Variants in ZNF469 observed in about 807,000 individuals in gnomAD.
ZNF469 encodes zinc finger protein 469.
A neutral mutation model predicts 1.0 loss-of-function variants in ZNF469; 1 was observed. The ratio of observed to expected loss-of-function variants is 1.00; its 90% confidence interval spans 0.35 to 4.73. The LOEUF (loss-of-function observed/expected upper bound fraction) is 4.73. ZNF469 is among the 30% of genes most tolerant of loss of function. ZNF469 has a pLI of 0.16. For missense variants in ZNF469, 6,100 were observed against 5,356.3 expected (o/e 1.14, Z -4.33); for synonymous variants, 2,703 against 2,363.4 (o/e 1.14, Z -4.17).
chr16:88,115,141 C>T, the ZNF469 span, among the ~76,000 whole-genome samples: 1 of 152,160 alleles, frequency 6.6e-6, no homozygotes, highest in Admixed American at 6.5e-5. Flanking sequence ...GGGCTCTGCG[C>T]ATTCAGGGTG....
At chr16:88,218,169 G>T in the ZNF469 span, among the ~76,000 whole-genome samples, 1 of 146,604 alleles carries the variant, frequency 6.8e-6, no homozygotes, top group Non-Finnish European at 1.5e-5. Context: ...TTGTGGTTTT[G>T]ATTTGCATTT....
the ZNF469 span, among the ~76,000 whole-genome samples, chr16:88,152,534 C>T: frequency 6.6e-6 from 1 of 152,156 alleles, no homozygotes; most frequent in Non-Finnish European, 1.5e-5. This position sits in a 1 kb window ranked among gnomAD's most constrained non-coding sequence, Gnocchi z 4.2. Context: ...GGAATCTGTC[C>T]CTGGCTGGGT....
chr16:88,433,086 G>A lies in ZNF469; in HGVS notation c.5616G>A (p.Glu1872=), dbSNP rs762188003. Reference sequence around the variant, plus strand: ...CACTGACTGCCCCCCGGGGCAGGGAGGCTTGGTTGGTCCCTGTGCCAAGTC... The same window carrying A: ...CACTGACTGCCCCCCGGGGCAGGGAAGCTTGGTTGGTCCCTGTGCCAAGTC... The part of the protein sequence containing the change: ...ASSLTAPRGR[E]AWLVPVPSPA... Residue 1872 remains glutamate, a synonymous_variant, in exon 3 of 3, where the codon GAG becomes GAA. Transcript: ENST00000565624. 2 of 1,550,318 alleles carry A rather than the reference G, an allele frequency of 1.3e-6. No individual in the cohort carries two copies. The highest frequency in any genetic ancestry group is 1.2e-5 in the South Asian group (1 of 84,064).
chr16:88,342,127 G>C, the ZNF469 span, among the ~76,000 whole-genome samples: 8 of 152,122 alleles, frequency 5.3e-5, no homozygotes, highest in Admixed American at 3.9e-4. Context: ...GGCAGGGGCT[G>C]AGGAGGCGCT....
At chr16:88,193,309 G>T in the ZNF469 span, among the ~76,000 whole-genome samples, 1 of 149,464 alleles carries the variant, frequency 6.7e-6, no homozygotes, top group East Asian at 2.0e-4. Flanking sequence ...GGGGTTGGTG[G>T]TGATGGTGAT....
At chr16:88,190,126 G>A in the ZNF469 span, among the ~76,000 whole-genome samples, 2 of 151,984 alleles carry the variant, frequency 1.3e-5, no homozygotes, top group Admixed American at 6.6e-5. Flanking sequence ...ACCAGTGGAC[G>A]GGTCTCAAGC....
the ZNF469 span, among the ~76,000 whole-genome samples, chr16:88,278,663 C>T: frequency 5.2e-5 from 7 of 133,710 alleles, no homozygotes; most frequent in African/African-American, 1.3e-4. Context: ...CGCCGATGCT[C>T]GGTCAGTACC....
chr16:88,140,404 G>A, the ZNF469 span, among the ~76,000 whole-genome samples: 1,613 of 96,886 alleles, frequency 0.017, no homozygotes, highest in African/African-American at 0.088. Context: ...GGACGGAGCC[G>A]TGTAGAAATC....
chr16:88,346,363 G>A, the ZNF469 span, among the ~76,000 whole-genome samples: 4 of 152,154 alleles, frequency 2.6e-5, no homozygotes, highest in African/African-American at 9.7e-5. Flanking sequence ...AACAGACCCC[G>A]GCTCCTGGCA....
the ZNF469 span, among the ~76,000 whole-genome samples, chr16:88,341,090 G>T: frequency 6.6e-6 from 1 of 152,330 alleles, no homozygotes; most frequent in African/African-American, 2.4e-5. Flanking sequence ...TCCTGTGAAG[G>T]TCCAGTAGCA....
the ZNF469 span, among the ~76,000 whole-genome samples, chr16:88,325,974 CA>C: frequency 6.6e-6 from 1 of 152,238 alleles, no homozygotes; most frequent in Non-Finnish European, 1.5e-5. Context: ...TCAGTCAGTC[CA>C]GGGGTGGCCA....
the ZNF469 span, among the ~76,000 whole-genome samples, chr16:88,241,593 C>T: frequency 6.6e-6 from 1 of 152,180 alleles, no homozygotes; most frequent in Non-Finnish European, 1.5e-5. This position sits in a 1 kb window ranked among gnomAD's most constrained non-coding sequence, Gnocchi z 4.8. Context: ...GCTCAGGGTC[C>T]TGGCAGGCGC....
At chr16:88,401,659 GTAGA>G (rs1412210600) in intron 1 of ZNF469, among the ~76,000 whole-genome samples, 5 of 149,710 alleles carry the variant, frequency 3.3e-5, no homozygotes, top group East Asian at 2.0e-4. Flanking sequence ...GGGTGGATGG[GTAGA>G]TGGATGGGTG....
At chr16:88,228,927 C>T in the ZNF469 span, among the ~76,000 whole-genome samples, 11 of 152,304 alleles carry the variant, frequency 7.2e-5, no homozygotes, top group African/African-American at 1.7e-4. Context: ...GCAGCAGCAT[C>T]GGGCAGAAGC....
rs950651470 is a variant in ZNF469, at chr16:88,435,059, G to A, written c.7589G>A (p.Ser2530Asn). ...AQKCQPPRKK[S>N]HRVSGKERPN... ...AAGTGCCAGCCGCCCAGGAAGAAAA[G>A]CCACAGGGTGTCTGGGAAGGAGAGA... Residue 2530 changes from serine to asparagine, a missense_variant, in exon 3 of 3, where the codon AGC becomes AAC. Ser to Asn is a conservative substitution (Grantham distance 46, BLOSUM62 1). Coordinates refer to ENST00000565624, the MANE Select transcript of ZNF469 (RefSeq NM_001367624.2). 2.6e-6 allele frequency: 4 copies of A among 1,550,286 alleles called. No homozygotes were observed. Among genetic ancestry groups the A allele is most frequent in the African/African-American group, 1.4e-5 (1 of 73,060 alleles).
chr16:88,407,925 T>A (rs1905061612), intron 1 of ZNF469, among the ~76,000 whole-genome samples: 1 of 152,262 alleles, frequency 6.6e-6, no homozygotes, highest in Admixed American at 6.5e-5. Flanking sequence ...CCTGCACGTG[T>A]GTGCCTGCTG....
At chr16:88,190,320 C>G in the ZNF469 span, among the ~76,000 whole-genome samples, 21 of 152,382 alleles carry the variant, frequency 1.4e-4, no homozygotes, top group African/African-American at 3.1e-4. Flanking sequence ...TTGGCACTTG[C>G]CTGGGTAGTG....
At chr16:88,293,319 T>TGGATGGAG in the ZNF469 span, among the ~76,000 whole-genome samples, 1 of 143,738 alleles carries the variant, frequency 7.0e-6, no homozygotes, top group African/African-American at 2.8e-5. Flanking sequence ...GGTAATTGGA[T>TGGATGGAG]GGATGGATGG....
At chr16:88,257,115 ATTTT>A in the ZNF469 span, among the ~76,000 whole-genome samples, 5,364 of 117,022 alleles carry the variant, frequency 0.046, 305 homozygotes, top group African/African-American at 0.15. Flanking sequence ...TACCCCACTA[ATTTT>A]TTTTTTTTTT....
Sources: allele counts gnomAD v4.1 joint callset (sites outside exome capture counted in the v4.1 genomes callset), GRCh38; gene constraint gnomAD v4.1.1; non-coding constraint Gnocchi (gnomAD v3.1); transcripts MANE v1.5; gene names NCBI Gene and HGNC (gene_info 2026-07-23, HGNC 2026-07-21).